The following WDR36 variants were observed in gnomAD, a reference collection of about 807,000 sequenced individuals.
The protein encoded by WDR36 is WD repeat domain 36.
A neutral mutation model predicts 112.7 loss-of-function variants in WDR36; 63 were observed. The ratio of observed to expected loss-of-function variants is 0.56; its 90% confidence interval spans 0.46 to 0.69. The LOEUF (loss-of-function observed/expected upper bound fraction) is 0.69. Ranked by LOEUF, WDR36 falls within the 30% of genes least tolerant of loss-of-function variation. WDR36 has a pLI of 0.00. For missense variants in WDR36, 1,226 were observed against 1,070.3 expected (o/e 1.15, Z -2.03); for synonymous variants, 410 against 362.2 (o/e 1.13, Z -1.50).
Position 111,094,750 on chromosome 5 carries a change from A to T in WDR36, c.163-170A>T, listed in dbSNP as rs576742484. On this transcript the variant is annotated intron_variant, in intron 1 of 22. Transcript: ENST00000513710. ...TCCATCACCACTCCTGGTGAAATAC[A>T]GTTGAAAATATAAACTTTCCTAATA... Among the ~76,000 whole-genome samples the T allele has an allele frequency of 7.9e-4, 121 of 152,284 alleles. 1 individual carries two copies. The highest frequency in any genetic ancestry group is 2.7e-3 in the African/African-American group (112 of 41,534).
In WDR36 at chr5:111,123,806, A is replaced by C; in HGVS notation, c.2150A>C (p.Lys717Thr). ...KNLLNLDVIK[K>T]KNKPKEPPKV... is the part of the protein sequence containing the mutation. ...TCTTTCTCATTTTCTCTTAATCAGAAAAAGAATAAACCAAAGGAACCACCC... is the reference window on the plus strand; with the variant it reads ...TCTTTCTCATTTTCTCTTAATCAGACAAAGAATAAACCAAAGGAACCACCC... Residue 717 changes from lysine (K) to threonine (T), a missense_variant and splice_region_variant, in exon 20 of 23, where the codon AAA (lysine) becomes ACA (threonine). Physicochemically the swap from Lys to Thr is moderately conservative, Grantham distance 78. Transcript: ENST00000513710. 6.2e-7 allele frequency: 1 copy of C among 1,613,554 alleles called. No individual in the cohort carries two copies. Among genetic ancestry groups the C allele is most frequent in the Non-Finnish European group, 8.5e-7 (1 of 1,179,806 alleles).
At chr5:111,109,853 G>A (rs1753291787) in intron 12 of WDR36, among the ~76,000 whole-genome samples, 1 of 151,326 alleles carries the variant, frequency 6.6e-6, no homozygotes, top group Non-Finnish European at 1.5e-5. Flanking sequence ...GCGATGGAAT[G>A]TTTTAACTTT....
Position 111,128,837 on chromosome 5 carries a change from A to C in WDR36, c.*1954A>C, listed in dbSNP as rs1290428380. ...TGCACACTCTTTCAGTTTTTTAATT[A>C]CTCATGTAATATATGACTACATTTT... On this transcript the variant is annotated 3_prime_UTR_variant, in exon 23 of 23. Coordinates refer to ENST00000513710, the MANE Select transcript of WDR36 (RefSeq NM_139281.3). 5.4e-6 allele frequency: 1 copy of C among 186,176 alleles called. No individual in the cohort carries two copies. The highest frequency in any genetic ancestry group is 2.3e-5 in the African/African-American group (1 of 42,744). The allele number at this position is 186,176 out of a possible 1,614,324, so 11.5% of individuals were successfully genotyped here. A position where few individuals can be genotyped will look rare whatever the true frequency, so the allele number is the denominator to read the frequency against.
In WDR36 at chr5:111,104,212, G is replaced by A. The variant is rs984586148; in HGVS notation, c.766G>A (p.Gly256Ser). The change falls in exon 8 of 23, where the codon GGC becomes AGC. Residue 256 changes from glycine (G) to serine (S), a missense_variant. By Grantham distance (56) the Gly-to-Ser change is moderately conservative. Transcript: ENST00000513710. ...HPVMAAGSPCGHIGLWDLEDK... is the reference protein window; with the variant it reads ...HPVMAAGSPCSHIGLWDLEDK... ...AGTAATGGCAGCTGGAAGCCCATGT[G>A]GCCATATTGGACTCTGGGATCTAGA... is the stretch of plus-strand genomic sequence containing the variant. The A allele has an allele frequency of 1.9e-6, 3 of 1,611,330 alleles. No individual in the cohort carries two copies. Among genetic ancestry groups the A allele is most frequent in the African/African-American group, 1.3e-5 (1 of 74,704 alleles).
rs886636759 is a variant in WDR36 at position 111,128,145 on chromosome 5, T to C, written c.*1262T>C. On this transcript the variant is annotated 3_prime_UTR_variant, in exon 23 of 23. Transcript: ENST00000513710. ...CTTTAAAGCATAGCGCTCTAAAAAC[T>C]ATTCTTAGTTTATACCCTCAAAAGT... The C allele has an allele frequency of 1.0e-5, 2 of 191,152 alleles. No homozygotes were observed. Among genetic ancestry groups the C allele is most frequent in the African/African-American group, 4.6e-5 (2 of 43,034 alleles). The allele number at this position is 191,152 out of a possible 1,614,324, so 11.8% of individuals were successfully genotyped here.
chr5:111,110,497 G>A (rs1355840707), intron 13 of WDR36, among the ~76,000 whole-genome samples, 194 bp downstream of exon 13: 1 of 151,470 alleles, frequency 6.6e-6, no homozygotes, highest in Non-Finnish European at 1.5e-5. Flanking sequence ...GGTACTTAAA[G>A]AGTTACGTGG....
chr5:111,104,478 T>C (rs1668845734), intron 8 of WDR36, 126 bp downstream of exon 8: 4 of 1,441,228 alleles, frequency 2.8e-6, no homozygotes, highest in African/African-American at 1.4e-5. Flanking sequence ...GATATTGGTA[T>C]AGATGAAACA....
rs368834292 is a variant in WDR36, at chr5:111,123,351, C to T, written c.2149-454C>T. On this transcript the variant is annotated intron_variant, in intron 19 of 22. Transcript: ENST00000513710. ...GAAATTATCAAATTACTTATAATGTCAGTCTGCTTCTGGCTCCAAAGTTCC... is the reference window on the plus strand; with the variant it reads ...GAAATTATCAAATTACTTATAATGTTAGTCTGCTTCTGGCTCCAAAGTTCC... Among the ~76,000 whole-genome samples the T allele has an allele frequency of 6.6e-5, 10 of 152,246 alleles. No homozygotes were observed. In the East Asian group the frequency reaches 1.5e-3, roughly 23 times the overall value.
intron 16 of WDR36, among the ~76,000 whole-genome samples, chr5:111,113,681 C>T (rs1753394719): frequency 6.6e-6 from 1 of 152,068 alleles, no homozygotes; most frequent in Admixed American, 6.6e-5. Context: ...TTATTTCTTA[C>T]ACTTTGGGGG....
intron 12 of WDR36, among the ~76,000 whole-genome samples, chr5:111,109,205 AT>A (rs1753276559): frequency 6.6e-6 from 1 of 151,340 alleles, no homozygotes; most frequent in African/African-American, 2.4e-5. Flanking sequence ...TAGTTTCTTG[AT>A]TGTATAACTA....
intron 11 of WDR36, 86 bp from the exon 12 acceptor site, chr5:111,107,208 G>A: frequency 2.1e-6 from 3 of 1,461,946 alleles, no homozygotes; most frequent in African/African-American, 1.4e-5. Context: ...TGTATCCCTA[G>A]TGTCTGAAAT....
chr5:111,100,526 T>C (rs1364582335), intron 4 of WDR36, 63 bp from the exon 5 acceptor site: 39 of 1,149,822 alleles, frequency 3.4e-5, no homozygotes, highest in Admixed American at 4.7e-5. Flanking sequence ...GTGATAAATA[T>C]ATGGTTACAT....
At chr5:111,103,946 A>C (rs775342491) in intron 7 of WDR36, 28 bp downstream of exon 7, 1 of 1,608,724 alleles carries the variant, frequency 6.2e-7, no homozygotes, top group Admixed American at 1.7e-5. Flanking sequence ...TATTGATAGG[A>C]GTTAAGAACA....
intron 1 of WDR36, among the ~76,000 whole-genome samples, chr5:111,093,895 C>T (rs1291663097): frequency 1.3e-5 from 2 of 152,092 alleles, no homozygotes; most frequent in Non-Finnish European, 2.9e-5. Context: ...CTTTTAAGTT[C>T]TCCTCTAGTT....
intron 3 of WDR36, among the ~76,000 whole-genome samples, chr5:111,098,494 G>C (rs1479849893): frequency 6.6e-6 from 1 of 152,148 alleles, no homozygotes; most frequent in African/African-American, 2.4e-5. Flanking sequence ...TCATTTCTTT[G>C]TTCTTAATGG....
intron 15 of WDR36, 126 bp downstream of exon 15, chr5:111,111,404 A>G (rs983182146): frequency 5.0e-6 from 4 of 802,786 alleles, no homozygotes; most frequent in African/African-American, 3.5e-5. Flanking sequence ...CTATTTTTCA[A>G]AGATTTTAAA....
chr5:111,108,172 C>G (rs566210588), intron 12 of WDR36, among the ~76,000 whole-genome samples: 14 of 151,328 alleles, frequency 9.3e-5, no homozygotes, highest in Non-Finnish European at 2.1e-4. Context: ...GTATATAAGT[C>G]TTACACTTCT....
Position 111,121,072 on chromosome 5 carries a change from G to T in WDR36, c.2079G>T (p.Glu693Asp), listed in dbSNP as rs771002715. Residue 693 changes from glutamate (E) to aspartate (D), a missense_variant, in exon 19 of 23, where the codon GAG (glutamate) becomes GAT (aspartate). Transcript: ENST00000513710. Reference protein sequence around the residue: ...IEYDSPEQLNEQLVTLSLLPE... With the variant: ...IEYDSPEQLNDQLVTLSLLPE... ...ATGATTCGCCAGAACAGTTGAATGAGCAATTGGTGACTCTTTCACTTCTTC... is the reference window on the plus strand; with the variant it reads ...ATGATTCGCCAGAACAGTTGAATGATCAATTGGTGACTCTTTCACTTCTTC... 6.2e-7 allele frequency: 1 copy of T among 1,613,546 alleles called. No individual in the cohort carries two copies.
Position 111,104,812 on chromosome 5 carries a change from G to T in WDR36, c.1022G>T (p.Ser341Ile). The T allele has an allele frequency of 6.2e-7, 1 of 1,610,910 alleles. No homozygotes were observed. The highest frequency in any genetic ancestry group is 8.5e-7 in the Non-Finnish European group (1 of 1,177,588). The stretch of plus-strand genomic sequence containing the variant: ...GGACAGAATGGACAGCAGATTCTAA[G>T]TGCAAGTGAGCTTCTGCTTCATACT... ...YYGQNGQQILSASQDGTLQSF... is the reference protein window; with the variant it reads ...YYGQNGQQILIASQDGTLQSF... Residue 341 changes from serine (S) to isoleucine (I), a missense_variant, in exon 9 of 23, where the codon AGT (serine) becomes ATT (isoleucine). Transcript: ENST00000513710.
Sources: allele counts gnomAD v4.1 joint callset (sites outside exome capture counted in the v4.1 genomes callset), GRCh38; gene constraint gnomAD v4.1.1; transcripts MANE v1.5; gene names NCBI Gene and HGNC (gene_info 2026-07-23, HGNC 2026-07-21).